Variants in LARGE1 observed in about 807,000 individuals in gnomAD.
LARGE1 encodes the protein xylosyl- and glucuronyltransferase LARGE1.
LARGE1 carries 43 observed loss-of-function variants against 87.6 expected under a neutral mutation model. The observed-to-expected ratio is 0.49, with a 90% CI of 0.38 to 0.63. LARGE1 has a LOEUF of 0.63. Ranked by LOEUF, LARGE1 falls within the 30% of genes least tolerant of loss-of-function variation. The pLI is 0.00. For missense variants in LARGE1, 802 were observed against 1,000.2 expected (o/e 0.80, Z 2.67); for synonymous variants, 434 against 394.6 (o/e 1.10, Z -1.18).
chr22:33,768,265 T>G (rs1265358255), intron 1 of LARGE1, among the ~76,000 whole-genome samples: 1 of 152,190 alleles, frequency 6.6e-6, no homozygotes, highest in East Asian at 1.9e-4. Flanking sequence ...GCAGAGATTG[T>G]GCCGCCTGGG....
At chr22:33,775,872 T>G (rs1192761443) in intron 1 of LARGE1, among the ~76,000 whole-genome samples, 1 of 117,702 alleles carries the variant, frequency 8.5e-6, no homozygotes, top group African/African-American at 3.6e-5. Flanking sequence ...AAAAAAAGAC[T>G]CAGGAGGGTG....
intron 1 of LARGE1, among the ~76,000 whole-genome samples, chr22:33,868,544 A>G (rs1321924004): frequency 6.6e-6 from 1 of 152,090 alleles, no homozygotes; most frequent in Non-Finnish European, 1.5e-5. Context: ...TCACCATCCC[A>G]GCCAGCATCT....
At chr22:33,241,563 T>G (rs1234455558) in intron 11 of LARGE1, among the ~76,000 whole-genome samples, 1 of 146,422 alleles carries the variant, frequency 6.8e-6, no homozygotes, top group Non-Finnish European at 1.5e-5. Context: ...TATGTATATA[T>G]GTGTATATAT....
chr22:33,817,235 T>C (rs1329648584), intron 1 of LARGE1, among the ~76,000 whole-genome samples: 1 of 152,166 alleles, frequency 6.6e-6, no homozygotes, highest in Non-Finnish European at 1.5e-5. Flanking sequence ...TCTAGCCCCT[T>C]TGAAGGCACA....
chr22:33,286,220 A>T (rs978111250), intron 12 of LARGE1, among the ~76,000 whole-genome samples: 19 of 152,164 alleles, frequency 1.2e-4, no homozygotes, highest in Admixed American at 1.2e-3. Flanking sequence ...CAAACATCCA[A>T]GATTCCCTCC....
At chr22:33,747,666 C>T (rs1285272531) in intron 2 of LARGE1, 1 of 152,284 alleles carries the variant, frequency 6.6e-6, no homozygotes, top group African/African-American at 2.4e-5. Context: ...TCTCCATCCA[C>T]TAGGAAAACT....
chr22:33,371,118 AAT>A (rs1398562720), intron 9 of LARGE1, among the ~76,000 whole-genome samples: 1 of 151,376 alleles, frequency 6.6e-6, no homozygotes, highest in African/African-American at 2.4e-5. Context: ...TATGTTAGAT[AAT>A]ATATGTTATG....
intron 11 of LARGE1, among the ~76,000 whole-genome samples, chr22:33,193,591 G>A (rs1169130462): frequency 1.3e-5 from 2 of 152,034 alleles, no homozygotes; most frequent in African/African-American, 4.8e-5. Flanking sequence ...CATGAGGTGG[G>A]CAGATCACTT....
intron 11 of LARGE1, among the ~76,000 whole-genome samples, chr22:33,193,102 G>A (rs912763544): frequency 3.3e-5 from 5 of 151,972 alleles, no homozygotes; most frequent in African/African-American, 1.2e-4. Flanking sequence ...GTATGTGTAT[G>A]TGTGTGTGTA....
chr22:33,572,145 C>T (rs1036479542), intron 5 of LARGE1: 5 of 1,126,596 alleles, frequency 4.4e-6, no homozygotes, highest in Non-Finnish European at 6.0e-6. Flanking sequence ...GATTGCTTAC[C>T]CATATTAACA....
chr22:33,314,564 AT>A (rs1935952095), intron 11 of LARGE1, among the ~76,000 whole-genome samples: 1 of 152,196 alleles, frequency 6.6e-6, no homozygotes. Flanking sequence ...TGGAACACTT[AT>A]GTGCCAGGCA....
At chr22:33,125,478 C>T in the LARGE1 span, among the ~76,000 whole-genome samples, 201 of 148,150 alleles carry the variant, frequency 1.4e-3, 3 homozygotes, top group Non-Finnish European at 3.9e-4. Context: ...CAGAGTTTCA[C>T]TCTTGTTGCC....
At chr22:33,808,326 T>G (rs1267942787) in intron 1 of LARGE1, among the ~76,000 whole-genome samples, 1 of 152,216 alleles carries the variant, frequency 6.6e-6, no homozygotes, top group Admixed American at 6.5e-5. Context: ...TGTTAAAGTC[T>G]TTGATCCACT....
intron 1 of LARGE1, among the ~76,000 whole-genome samples, chr22:33,831,766 AC>A (rs1458982957): frequency 6.6e-6 from 1 of 151,496 alleles, no homozygotes; most frequent in Non-Finnish European, 1.5e-5. Context: ...ACACACACAC[AC>A]ACACACACAC....
intron 7 of LARGE1, among the ~76,000 whole-genome samples, chr22:33,421,795 A>G (rs1233253385): frequency 6.6e-6 from 1 of 152,226 alleles, no homozygotes; most frequent in African/African-American, 2.4e-5. Flanking sequence ...AGAAGGCAAG[A>G]TGAGAAGGCA....
chr22:33,108,176 A>G, the LARGE1 span, among the ~76,000 whole-genome samples: 1 of 152,182 alleles, frequency 6.6e-6, no homozygotes, highest in Non-Finnish European at 1.5e-5. Context: ...GCTTCCTGAT[A>G]TACACTCAGT....
At chr22:33,520,189 C>T (rs192801323) in intron 6 of LARGE1, among the ~76,000 whole-genome samples, 32 of 151,732 alleles carry the variant, frequency 2.1e-4, no homozygotes, top group Admixed American at 4.6e-4. Flanking sequence ...CTTTTTGTAT[C>T]GCTCAGCCTC....
At chr22:33,509,464 T>G (rs2070942286) in intron 6 of LARGE1, among the ~76,000 whole-genome samples, 2 of 152,240 alleles carry the variant, frequency 1.3e-5, no homozygotes, top group South Asian at 4.2e-4. Context: ...TTTATTTTTT[T>G]TTTAAGAGAC....
chr22:33,785,647 G>GA (rs954845325), intron 1 of LARGE1, among the ~76,000 whole-genome samples: 26 of 151,848 alleles, frequency 1.7e-4, no homozygotes, highest in East Asian at 7.7e-4. Flanking sequence ...AACTGGAGGG[G>GA]AAAAAAAACA....
Sources: allele counts gnomAD v4.1 joint callset (sites outside exome capture counted in the v4.1 genomes callset), GRCh38; gene constraint gnomAD v4.1.1; transcripts MANE v1.5; gene names NCBI Gene and HGNC (gene_info 2026-07-23, HGNC 2026-07-21).